C14orf180: variants seen among roughly 807,000 people sequenced by gnomAD.
C14orf180 encodes the protein nutritionally-regulated adipose and cardiac enriched protein homolog.
A neutral mutation model predicts 13.9 loss-of-function variants in C14orf180; 13 were observed. That is an observed-to-expected ratio of 0.94 (90% confidence interval 0.61 to 1.49). The LOEUF (loss-of-function observed/expected upper bound fraction) is 1.49. Among genes scored for constraint, C14orf180 ranks in the 40% most tolerant of loss-of-function variants. The pLI is 0.00. For missense variants in C14orf180, 238 were observed against 232.0 expected, an observed-to-expected ratio of 1.03 and a Z score of -0.17; for synonymous variants, 113 against 106.3, an observed-to-expected ratio of 1.06 and a Z score of -0.39.
At chr14:104,581,446 GGGGCCCTCA>G (rs2140454179) in intron 1 of C14orf180, 1 of 152,338 alleles carries the variant, frequency 6.6e-6, no homozygotes, top group East Asian at 1.9e-4. Flanking sequence ...CAAGTCAGCC[GGGGCCCTCA>G]GGGCCGCTGA....
intron 1 of C14orf180, 42 bp downstream of exon 1, chr14:104,580,045 G>A (rs1445102765): frequency 1.3e-5 from 2 of 152,338 alleles, no homozygotes; most frequent in Non-Finnish European, 2.9e-5. Flanking sequence ...CTTCCTGCTT[G>A]GGTATGAAGA....
chr14:104,583,930 TCACA>T (rs1186517419), intron 1 of C14orf180, among the ~76,000 whole-genome samples: 2 of 152,004 alleles, frequency 1.3e-5, no homozygotes, highest in African/African-American at 4.8e-5. Context: ...ATGCACACAT[TCACA>T]CACACAGACA....
intron 1 of C14orf180, among the ~76,000 whole-genome samples, chr14:104,580,967 A>G (rs1261751438): frequency 6.6e-6 from 1 of 152,228 alleles, no homozygotes; most frequent in Non-Finnish European, 1.5e-5. Flanking sequence ...CCATCTAGGC[A>G]TGGAGAGGGG....
intron 2 of C14orf180, 35 bp from the exon 3 acceptor site, chr14:104,587,714 G>A (rs1302731372): frequency 1.2e-6 from 2 of 1,608,234 alleles, no homozygotes; most frequent in South Asian, 1.1e-5. Flanking sequence ...CCTCCCGCCG[G>A]GGACTCACCA....
At position 104,586,490 on chromosome 14, in the gene C14orf180, C is replaced by A; in HGVS notation, c.60C>A (p.Thr20=). The change falls in exon 2 of 5, where the codon ACC becomes ACA. Residue 20 remains threonine, a synonymous_variant. Coordinates refer to ENST00000557649, the MANE Select transcript of C14orf180 (RefSeq NM_001008404.3). The stretch of plus-strand genomic sequence containing the variant: ...CCCGGCCAGAGACACGACGTCAGAC[C>A]AGAAAGAATGAGGAGGCCGCGTGGG... The part of the protein sequence containing the change: ...PDSRPETRRQ[T]RKNEEAAWGP... 6.4e-7 allele frequency: 1 copy of A among 1,550,520 alleles called. No homozygotes were observed. Among genetic ancestry groups the A allele is most frequent in the East Asian group, 2.4e-5 (1 of 41,282 alleles).
rs192674070 is a variant in C14orf180 at position 104,587,841 on chromosome 14, C to T, written c.204C>T (p.Arg68=). Residue 68 remains arginine (R), a synonymous_variant, in exon 3 of 5, where the codon CGC becomes CGT. Transcript: ENST00000557649. ...CCAAGCCCCAGAGGACCTCGAGGCG[C>T]GTGTGGTTCCGAGAACCCCCAGCGG... ...PEAKPQRTSR[R]VWFREPPAVT... 171 of 1,610,874 alleles carry T rather than the reference C, an allele frequency of 1.1e-4. 1 individual carries two copies. Among genetic ancestry groups the T allele is most frequent in the Non-Finnish European group, 1.4e-4 (163 of 1,178,978 alleles).
rs138014749 is a variant in C14orf180, at chr14:104,587,936, G to A, written c.241+58G>A. 11,812 of 1,541,022 alleles carry A rather than the reference G, an allele frequency of 7.7e-3. 59 individuals are homozygous for A. The highest frequency in any genetic ancestry group is 0.014 in the Middle Eastern group (78 of 5,684). On this transcript the variant is annotated intron_variant, in intron 3 of 4. Coordinates refer to ENST00000557649, the MANE Select transcript of C14orf180 (RefSeq NM_001008404.3). ...AGGGTGGAGTCAAGCAGAGGGAGGC[G>A]GGGACACCGGCCACACCCACACAGC...
chr14:104,588,794 G>C lies in C14orf180; in HGVS notation c.*11G>C, dbSNP rs1044020819. 1.3e-6 allele frequency: 2 copies of C among 1,529,314 alleles called. No individual in the cohort carries two copies. Among genetic ancestry groups the C allele is most frequent in the South Asian group, 2.4e-5 (2 of 83,238 alleles). The allele number at this position is 1,529,314 out of a possible 1,614,324, so 94.7% of individuals were successfully genotyped here. A position where few individuals can be genotyped will look rare whatever the true frequency, so the allele number is the denominator to read the frequency against. The stretch of plus-strand genomic sequence containing the variant: ...CTCCTGCGGCTCTGACGGGCAGGAC[G>C]GGCAGGACGGGCAGGGCTTCCAGGA... On this transcript the variant is annotated 3_prime_UTR_variant, in exon 5 of 5. Coordinates refer to ENST00000557649, the MANE Select transcript of C14orf180 (RefSeq NM_001008404.3).
At chr14:104,586,307 C>G (rs902094443) in intron 1 of C14orf180, 108 bp from the exon 2 acceptor site, 3 of 728,198 alleles carry the variant, frequency 4.1e-6, no homozygotes, top group African/African-American at 1.9e-5. Flanking sequence ...GTCGCAAGCC[C>G]GGGAAGCCAG....
rs144892702 is a variant in C14orf180 at position 104,583,752 on chromosome 14, C to T, written c.-16-2663C>T. ...GGCACCCTCACAAACACACTGCCTA[C>T]GCCTGCACATTCACATACACTCTAC... is the stretch of plus-strand genomic sequence containing the variant. On this transcript the variant is annotated intron_variant, in intron 1 of 4. Coordinates refer to ENST00000557649, the MANE Select transcript of C14orf180 (RefSeq NM_001008404.3). 7.8e-4 allele frequency among the ~76,000 whole-genome samples: 118 copies of T among 152,220 alleles called. 1 individual carries two copies. The East Asian group carries it at 0.019, about 25-fold the overall frequency.
rs1421851005 is a variant in C14orf180 at position 104,589,029 on chromosome 14, T to C, written c.*246T>C. The C allele has an allele frequency of 6.8e-6, 5 of 735,758 alleles. No individual in the cohort carries two copies. In the Admixed American group the frequency reaches 1.0e-4, roughly 15 times the overall value. The allele number at this position is 735,758 out of a possible 1,614,324, so 45.6% of individuals were successfully genotyped here. On this transcript the variant is annotated 3_prime_UTR_variant, in exon 5 of 5. Transcript: ENST00000557649. This position sits in a 1 kb window ranked among gnomAD's most constrained non-coding sequence, Gnocchi z 4.9. ...TCTCCTGTGTTGGGTCCATGTGAGA[T>C]TTTATTAGAAAGAGGATTCGACTGC...
At chr14:104,587,990 C>G in intron 3 of C14orf180, 112 bp downstream of exon 3, 1 of 1,346,694 alleles carries the variant, frequency 7.4e-7, no homozygotes, top group Non-Finnish European at 1.0e-6. Context: ...ATGGGGGGGC[C>G]GTGGCCACCT....
chr14:104,590,028 G>A lies in C14orf180; in HGVS notation c.*1245G>A, dbSNP rs1034001877. The A allele has an allele frequency of 2.0e-5, 3 of 152,182 alleles. No homozygotes were observed. Among genetic ancestry groups the A allele is most frequent in the African/African-American group, 4.8e-5 (2 of 41,424 alleles). The allele number at this position is 152,182 out of a possible 1,614,324, so 9.4% of individuals were successfully genotyped here. On this transcript the variant is annotated 3_prime_UTR_variant, in exon 5 of 5. Transcript: ENST00000557649. ...CCTGGGTCTTGAGGGATGCCCGGCCGGCTCCCTTTGCCCTGCAGTCAGGGT... is the reference window on the plus strand; with the variant it reads ...CCTGGGTCTTGAGGGATGCCCGGCCAGCTCCCTTTGCCCTGCAGTCAGGGT...
Position 104,587,877 on chromosome 14 carries a change from C to G in C14orf180, c.240C>G (p.His80Gln). ...GAGAACCCCCAGCGGTGACCGTCCA[C>G]TGTAAGAGGGCACCCGCAGCAAGCA... is the stretch of plus-strand genomic sequence containing the variant. ...WFREPPAVTV[H>Q]YIADKNATAT... Residue 80 changes from histidine to glutamine, a missense_variant and splice_region_variant, in exon 3 of 5, where the codon CAC (histidine) becomes CAG (glutamine). Physicochemically the swap from His to Gln is conservative, Grantham distance 24. Coordinates refer to ENST00000557649, the MANE Select transcript of C14orf180 (RefSeq NM_001008404.3). The G allele has an allele frequency of 6.2e-7, 1 of 1,602,496 alleles. No homozygotes were observed. The highest frequency in any genetic ancestry group is 8.5e-7 in the Non-Finnish European group (1 of 1,173,880).
intron 1 of C14orf180, among the ~76,000 whole-genome samples, chr14:104,586,102 A>G (rs1428777146): frequency 1.3e-5 from 2 of 152,200 alleles, no homozygotes; most frequent in Non-Finnish European, 2.9e-5. Context: ...TGAATACCCA[A>G]TCATCGAGGG....
intron 1 of C14orf180, among the ~76,000 whole-genome samples, chr14:104,581,885 T>G (rs1886449436): frequency 6.6e-6 from 1 of 152,148 alleles, no homozygotes; most frequent in Non-Finnish European, 1.5e-5. Flanking sequence ...GCTGTGAGGC[T>G]GCCGTGTGAA....
intron 1 of C14orf180, among the ~76,000 whole-genome samples, chr14:104,580,578 G>A (rs1251265902): frequency 6.6e-6 from 1 of 152,224 alleles, no homozygotes; most frequent in African/African-American, 2.4e-5. Context: ...GCAAGTCTAC[G>A]CAGGCCCAGC....
chr14:104,587,909 A>AGAG (rs751916748), intron 3 of C14orf180, 31 bp downstream of exon 3: 1 of 1,587,742 alleles, frequency 6.3e-7, no homozygotes, highest in Non-Finnish European at 8.6e-7. Flanking sequence ...AGCAGCTGGG[A>AGAG]GAGGGTGGAG....
chr14:104,580,975 G>A (rs946733810), intron 1 of C14orf180, among the ~76,000 whole-genome samples: 5 of 152,232 alleles, frequency 3.3e-5, no homozygotes, highest in Admixed American at 2.0e-4. Flanking sequence ...GCATGGAGAG[G>A]GGCCTCAGGG....
Sources: gnomAD v4.1 joint callset for allele counts (sites outside exome capture counted in the v4.1 genomes callset) on GRCh38, gnomAD v4.1.1 for gene constraint, Gnocchi (gnomAD v3.1) non-coding constraint, MANE v1.5 for transcripts, NCBI Gene and HGNC (gene_info 2026-07-23, HGNC 2026-07-21) for gene names.